The following RTN1 variants were observed in gnomAD, a reference collection of about 807,000 sequenced individuals.
RTN1 encodes the protein reticulon-1.
In RTN1, 25 loss-of-function variants were observed where a neutral mutation model predicts 65.5. The observed-to-expected ratio is 0.38, with a 90% CI of 0.28 to 0.53. RTN1 has a LOEUF of 0.53. Ranked by LOEUF, RTN1 falls within the 20% of genes least tolerant of loss-of-function variation. The probability of loss-of-function intolerance (pLI) is 0.79; values close to 1 mark genes in which losing one functional copy is unlikely to be tolerated. For missense variants in RTN1, 983 were observed against 1,025.4 expected, an observed-to-expected ratio of 0.96 and a Z score of 0.57; for synonymous variants, 471 against 447.6, an observed-to-expected ratio of 1.05 and a Z score of -0.66.
rs112547927 is a variant in RTN1, at chr14:59,722,932, G to A, written c.1765+3987C>T. On this transcript the variant is annotated intron_variant, in intron 3 of 8. Transcript: ENST00000267484. ...CCCACATCAGCCACCTGAGTAGCTG[G>A]GACTACAGGCATGCACCACCACACC... Among the ~76,000 whole-genome samples the A allele has an allele frequency of 1.5e-3, 233 of 151,808 alleles. 1 individual carries two copies. Among genetic ancestry groups the A allele is most frequent in the African/African-American group, 5.4e-3 (224 of 41,390 alleles).
intron 3 of RTN1, among the ~76,000 whole-genome samples, chr14:59,611,399 C>G (rs1566660320): frequency 6.6e-6 from 1 of 152,196 alleles, no homozygotes; most frequent in East Asian, 1.9e-4. Flanking sequence ...GAGAAATAGT[C>G]CTGGGGAGAT....
chr14:59,787,833 C>CTTCCCGGGTT (rs1886278910), intron 1 of RTN1, among the ~76,000 whole-genome samples: 4 of 152,118 alleles, frequency 2.6e-5, no homozygotes, highest in Admixed American at 6.6e-5. Context: ...TGGTTCCTCT[C>CTTCCCGGGTT]CCTTCCGAGT....
chr14:59,619,686 G>C (rs1165293953), intron 3 of RTN1, among the ~76,000 whole-genome samples: 1 of 152,166 alleles, frequency 6.6e-6, no homozygotes, highest in Non-Finnish European at 1.5e-5. Context: ...CTTTGGGATT[G>C]AAAGGAATAA....
chr14:59,601,516 C>A (rs1390022492), intron 8 of RTN1, among the ~76,000 whole-genome samples: 1 of 152,122 alleles, frequency 6.6e-6, no homozygotes, highest in African/African-American at 2.4e-5. Context: ...TATCTTTATA[C>A]CCTCTGTACC....
At chr14:59,745,582 T>C in intron 2 of RTN1, 126 bp downstream of exon 2, 1 of 751,628 alleles carries the variant, frequency 1.3e-6, no homozygotes, top group Non-Finnish European at 2.1e-6. Context: ...TTAAACTAAA[T>C]GAAATTTAAG....
At chr14:59,712,591 T>C (rs190468257) in intron 3 of RTN1, among the ~76,000 whole-genome samples, 1 of 152,196 alleles carries the variant, frequency 6.6e-6, no homozygotes, top group Non-Finnish European at 1.5e-5. Flanking sequence ...ACTGAAATGT[T>C]ATGAAACAGT....
chr14:59,686,341 A>T (rs1355657781), intron 3 of RTN1, among the ~76,000 whole-genome samples: 1 of 152,180 alleles, frequency 6.6e-6, no homozygotes, highest in Admixed American at 6.5e-5. Flanking sequence ...AATTTAAAAA[A>T]CTTCTGCAAA....
chr14:59,646,588 G>C (rs180794506), intron 3 of RTN1, among the ~76,000 whole-genome samples: 23 of 152,320 alleles, frequency 1.5e-4, no homozygotes, highest in African/African-American at 4.8e-4. Context: ...GCTAGCAGCA[G>C]ACCTCTCAGC....
At chr14:59,660,340 A>G (rs919697145) in intron 3 of RTN1, among the ~76,000 whole-genome samples, 2 of 152,166 alleles carry the variant, frequency 1.3e-5, no homozygotes, top group Non-Finnish European at 2.9e-5. Context: ...ATGACACAGA[A>G]AATTAACAAG....
At chr14:59,860,592 G>A (rs570804935) in intron 1 of RTN1, among the ~76,000 whole-genome samples, 14 of 152,150 alleles carry the variant, frequency 9.2e-5, no homozygotes, top group South Asian at 4.1e-4. Flanking sequence ...TAGATCCATC[G>A]ACAGCTTGCA....
chr14:59,751,194 T>A, intron 1 of RTN1, among the ~76,000 whole-genome samples: 1 of 145,216 alleles, frequency 6.9e-6, no homozygotes, highest in South Asian at 2.2e-4. Context: ...ATTATACCTT[T>A]TTTTTTTTTT....
At position 59,862,041 on chromosome 14, in the gene RTN1, A is replaced by G. The variant is rs145568176; in HGVS notation, c.241+8349T>C. Among the ~76,000 whole-genome samples, 274 of 152,310 alleles carry G rather than the reference A, an allele frequency of 1.8e-3. 8 individuals are homozygous for G. In the South Asian group the frequency reaches 0.045, roughly 25 times the overall value. On this transcript the variant is annotated intron_variant, in intron 1 of 8. Coordinates refer to ENST00000267484, the MANE Select transcript of RTN1 (RefSeq NM_021136.3). The stretch of plus-strand genomic sequence containing the variant: ...TTAATACTATCTGAAATTACATAAG[A>G]TATTTTAGTAATTTCACCATACCAC...
intron 3 of RTN1, among the ~76,000 whole-genome samples, chr14:59,673,640 G>A (rs1425862321): frequency 6.6e-6 from 1 of 152,100 alleles, no homozygotes; most frequent in African/African-American, 2.4e-5. Flanking sequence ...GTCCATGGGT[G>A]GTCTTTGGAA....
At chr14:59,699,798 C>G (rs1884141931) in intron 3 of RTN1, among the ~76,000 whole-genome samples, 1 of 152,074 alleles carries the variant, frequency 6.6e-6, no homozygotes, top group African/African-American at 2.4e-5. Context: ...TCACTTACTC[C>G]AAAACTCAAG....
chr14:59,753,230 G>C (rs1432648760), intron 1 of RTN1, among the ~76,000 whole-genome samples: 5 of 152,082 alleles, frequency 3.3e-5, no homozygotes, highest in African/African-American at 1.2e-4. Context: ...TATTAGAGAG[G>C]CTATAAATAG....
intron 1 of RTN1, among the ~76,000 whole-genome samples, chr14:59,812,870 G>A (rs569027578): frequency 6.6e-6 from 1 of 152,282 alleles, no homozygotes; most frequent in Non-Finnish European, 1.5e-5. Flanking sequence ...ACGAAATGGA[G>A]AGTGGTCAAG....
At position 59,607,435 on chromosome 14, in the gene RTN1, A is replaced by G; in HGVS notation, c.1823T>C (p.Phe608Ser). The G allele has an allele frequency of 1.2e-6, 2 of 1,612,832 alleles. No individual in the cohort carries two copies. The highest frequency in any genetic ancestry group is 1.7e-6 in the Non-Finnish European group (2 of 1,179,344). Residue 608 changes from phenylalanine to serine, a missense_variant, in exon 4 of 9, where the codon TTC becomes TCC. Transcript: ENST00000267484. Reference protein sequence around the residue: ...IKQTGIVFGSFLLLLFSLTQF... With the variant: ...IKQTGIVFGSSLLLLFSLTQF... ...GGTCAGGGAGAAGAGCAGCAGCAGGAAACTCCCAAACACGATGCCCGTCTG... is the reference window on the plus strand; with the variant it reads ...GGTCAGGGAGAAGAGCAGCAGCAGGGAACTCCCAAACACGATGCCCGTCTG...
chr14:59,770,831 G>A (rs549389131), intron 1 of RTN1, among the ~76,000 whole-genome samples: 2 of 152,262 alleles, frequency 1.3e-5, no homozygotes, highest in East Asian at 3.9e-4. Flanking sequence ...GAGGCAGGTG[G>A]ATCACGAGGT....
Position 59,726,908 on chromosome 14 carries a change from G to T in RTN1, c.1765+11C>A. ...GACACTAACCAAGCATCCCTGCTTGGGATCCTTTACCTTTTTGCTTATTGA... is the reference window on the plus strand; with the variant it reads ...GACACTAACCAAGCATCCCTGCTTGTGATCCTTTACCTTTTTGCTTATTGA... On this transcript the variant is annotated intron_variant, in intron 3 of 8. Coordinates refer to ENST00000267484, the MANE Select transcript of RTN1 (RefSeq NM_021136.3). 6.2e-7 allele frequency: 1 copy of T among 1,606,538 alleles called. No homozygotes were observed. The highest frequency in any genetic ancestry group is 1.1e-5 in the South Asian group (1 of 89,824).
Sources: gnomAD v4.1 joint callset for allele counts (sites outside exome capture counted in the v4.1 genomes callset) on GRCh38, gnomAD v4.1.1 for gene constraint, MANE v1.5 for transcripts, NCBI Gene and HGNC (gene_info 2026-07-23, HGNC 2026-07-21) for gene names.